Variants in NFIA observed in about 807,000 individuals in gnomAD.
The protein encoded by NFIA is nuclear factor 1 A-type.
A neutral mutation model predicts 62.8 loss-of-function variants in NFIA; 8 were observed. That is an observed-to-expected ratio of 0.13 (90% CI 0.07 to 0.23). The LOEUF is 0.23. Among genes scored for constraint, NFIA ranks in the 10% least tolerant of loss-of-function variants. The pLI is 1.00. For synonymous variants in NFIA, 235 were observed against 238.1 expected, an observed-to-expected ratio of 0.99 and a Z score of 0.12; for missense variants, 410 against 642.1, an observed-to-expected ratio of 0.64 and a Z score of 3.91.
At chr1:61,078,179 A>T (rs1449252167), upstream of NFIA, among the ~76,000 whole-genome samples, 1 of 152,044 alleles carries the variant, frequency 6.6e-6, no homozygotes, top group East Asian at 1.9e-4. Context: ...TGCAGCTCTG[A>T]AGGGGATGGT....
intron 2 of NFIA, among the ~76,000 whole-genome samples, chr1:61,185,388 T>C (rs1306001342): frequency 6.6e-6 from 1 of 152,202 alleles, no homozygotes. Context: ...ATATCTCCAG[T>C]TGAAGCCACC....
chr1:61,368,882 G>A (rs1189227208), intron 6 of NFIA, among the ~76,000 whole-genome samples: 1 of 152,156 alleles, frequency 6.6e-6, no homozygotes, highest in Non-Finnish European at 1.5e-5. Flanking sequence ...GAAGAAGTAT[G>A]AAAATAAGCA....
chr1:61,354,168 A>G (rs1662702320), intron 5 of NFIA, among the ~76,000 whole-genome samples: 1 of 152,150 alleles, frequency 6.6e-6, no homozygotes, highest in African/African-American at 2.4e-5. Context: ...AATGTCATTT[A>G]AAAGGCCAGT....
At chr1:61,131,386 T>C (rs1455468573) in intron 2 of NFIA, among the ~76,000 whole-genome samples, 2 of 152,196 alleles carry the variant, frequency 1.3e-5, no homozygotes, top group African/African-American at 2.4e-5. Flanking sequence ...TTCATTGACA[T>C]AGATGTGTTG....
At chr1:61,323,097 T>C (rs1251448652) in intron 3 of NFIA, among the ~76,000 whole-genome samples, 1 of 152,220 alleles carries the variant, frequency 6.6e-6, no homozygotes, top group Non-Finnish European at 1.5e-5. Flanking sequence ...GTAAGTCCCA[T>C]GACACATACT....
At chr1:61,103,374 G>C (rs1646544419) in intron 2 of NFIA, among the ~76,000 whole-genome samples, 1 of 152,142 alleles carries the variant, frequency 6.6e-6, no homozygotes, top group Non-Finnish European at 1.5e-5. Flanking sequence ...ATTTCCTCAA[G>C]GAAGCTTTCT....
At chr1:61,090,037 G>A in intron 2 of NFIA, among the ~76,000 whole-genome samples, 1 of 152,088 alleles carries the variant, frequency 6.6e-6, no homozygotes, top group Non-Finnish European at 1.5e-5. Flanking sequence ...ATTGCCTTTT[G>A]CTTTAGCCAA....
intron 7 of NFIA, chr1:61,385,929 C>T (rs934946518): frequency 6.6e-6 from 1 of 152,190 alleles, no homozygotes; most frequent in Admixed American, 6.5e-5. Flanking sequence ...ACTCAGGTAC[C>T]CGTTCTTACC....
At chr1:61,443,525 A>T (rs1196202275) in intron 10 of NFIA, among the ~76,000 whole-genome samples, 4 of 152,202 alleles carry the variant, frequency 2.6e-5, no homozygotes, top group African/African-American at 9.7e-5. Flanking sequence ...CTCTGCAGGG[A>T]TGCAGCTGCT....
chr1:61,437,413 C>A (rs959594772), intron 10 of NFIA, among the ~76,000 whole-genome samples: 7 of 152,000 alleles, frequency 4.6e-5, no homozygotes, highest in Non-Finnish European at 1.0e-4. Context: ...TCTTGGTACA[C>A]AGAGAAACCC....
At chr1:61,449,126 C>T (rs188006160) in intron 10 of NFIA, among the ~76,000 whole-genome samples, 41 of 152,314 alleles carry the variant, frequency 2.7e-4, no homozygotes, top group East Asian at 2.5e-3. Flanking sequence ...ATGCTACTGA[C>T]GCAGTTGGCC....
In NFIA at chr1:61,456,659, A is replaced by AAATAAT. The variant is rs1668313889; in HGVS notation, c.*1344_*1349dup. The AAATAAT allele has an allele frequency of 6.7e-6, 1 of 148,712 alleles. No individual in the cohort carries two copies. Among genetic ancestry groups the AAATAAT allele is most frequent in the Non-Finnish European group, 1.5e-5 (1 of 67,392 alleles). The allele number at this position is 148,712 out of a possible 1,614,324, so 9.2% of individuals were successfully genotyped here. On this transcript the variant is annotated 3_prime_UTR_variant, in exon 11 of 11. Coordinates refer to ENST00000403491, the MANE Select transcript of NFIA (RefSeq NM_001134673.4). ...TTGCATCCCTGAACTGGGCTATGGG[A>AAATAAT]AATAATAATAGTAATAATAATAATA...
rs1425915082 is a variant in NFIA at position 61,277,596 on chromosome 1, C to T, written c.625+11C>T. On this transcript the variant is annotated intron_variant, in intron 3 of 10. Coordinates refer to ENST00000403491, the MANE Select transcript of NFIA (RefSeq NM_001134673.4). ...ACCAGCCAGAAAATGGTAAGTTTAG[C>T]TTGGGACTCTAGCTGCTGCTTTCAG... 1.9e-6 allele frequency: 3 copies of T among 1,613,382 alleles called. No homozygotes were observed. The African/African-American group carries it at 4.0e-5, about 22-fold the overall frequency.
intron 2 of NFIA, among the ~76,000 whole-genome samples, chr1:61,177,539 TAATC>T (rs1231679258): frequency 2.0e-5 from 3 of 152,228 alleles, no homozygotes; most frequent in South Asian, 2.1e-4. Flanking sequence ...TCTAACAAGA[TAATC>T]AAAGCATGGA....
chr1:61,078,747 G>A (rs889441995), upstream of NFIA, among the ~76,000 whole-genome samples: 1 of 152,156 alleles, frequency 6.6e-6, no homozygotes, highest in Non-Finnish European at 1.5e-5. Context: ...GAAATAGGAC[G>A]TTAAGACTGG....
chr1:61,455,990 A>G lies in NFIA; in HGVS notation c.*670A>G, dbSNP rs1321533401. ...AGAACAATTCCGAAAATGGCAAACT[A>G]CTACTACTACTGTTCAGTTTTTTAA... On this transcript the variant is annotated 3_prime_UTR_variant, in exon 11 of 11. Coordinates refer to ENST00000403491, the MANE Select transcript of NFIA (RefSeq NM_001134673.4). 1.3e-5 allele frequency: 2 copies of G among 152,636 alleles called. No individual in the cohort carries two copies. The highest frequency in any genetic ancestry group is 2.9e-5 in the Non-Finnish European group (2 of 68,038). The allele number at this position is 152,636 out of a possible 1,614,324, so 9.5% of individuals were successfully genotyped here.
chr1:61,430,873 CCT>C (rs1667071521), intron 10 of NFIA, among the ~76,000 whole-genome samples: 1 of 151,930 alleles, frequency 6.6e-6, no homozygotes, highest in Non-Finnish European at 1.5e-5. Flanking sequence ...TCATTTTTTT[CCT>C]CCTTCTCCAT....
chr1:61,273,346 G>C (rs1221188845), intron 2 of NFIA, among the ~76,000 whole-genome samples: 1 of 152,128 alleles, frequency 6.6e-6, no homozygotes, highest in East Asian at 1.9e-4. Context: ...TTGGGCCAGT[G>C]GATCATAGGA....
rs1478001960 is a variant in NFIA, at chr1:61,368,646, C to T, written c.946+9372C>T. On this transcript the variant is annotated intron_variant, in intron 6 of 10. Transcript: ENST00000403491. ...AGAGCTGCCATTTATTAAGCATCAG[C>T]TCTGTGTAAAAGTATCGTGCAGGGC... Among the ~76,000 whole-genome samples, 5 of 152,152 alleles carry T rather than the reference C, an allele frequency of 3.3e-5. No individual in the cohort carries two copies. The South Asian group carries it at 6.2e-4, about 19-fold the overall frequency.
Sources: gnomAD v4.1 joint callset for allele counts (sites outside exome capture counted in the v4.1 genomes callset) on GRCh38, gnomAD v4.1.1 for gene constraint, MANE v1.5 for transcripts, NCBI Gene and HGNC (gene_info 2026-07-23, HGNC 2026-07-21) for gene names.